WWC2: variants seen among roughly 807,000 people sequenced by gnomAD.
WWC2 encodes protein WWC2.
WWC2 carries 101 observed loss-of-function variants against 138.5 expected under a neutral mutation model. That is an observed-to-expected ratio of 0.73 (90% CI 0.62 to 0.86). The LOEUF is 0.86. Ranked by LOEUF, WWC2 falls within the 40% of genes least tolerant of loss-of-function variation. The pLI, the probability that WWC2 is intolerant of heterozygous loss-of-function variation, is 0.00. For missense variants in WWC2, 1,420 were observed against 1,419.4 expected (o/e 1.00, Z -0.01); for synonymous variants, 558 against 538.4 (o/e 1.04, Z -0.50).
intron 2 of WWC2, among the ~76,000 whole-genome samples, chr4:183,204,871 T>A (rs999605725): frequency 1.3e-5 from 2 of 152,202 alleles, no homozygotes; most frequent in South Asian, 2.1e-4. Context: ...CAGCATGTGG[T>A]CTTTTGTGTC....
rs961920347 is a variant in WWC2, at chr4:183,206,379, T to A, written c.242-1574T>A. On this transcript the variant is annotated intron_variant, in intron 2 of 22. Transcript: ENST00000403733. Reference sequence around the variant, plus strand: ...TTTTTGTCCCAAATTATCCCCTGTTTGTGTTTGCTGTTGTTGGGAGTGGGG... The same window carrying A: ...TTTTTGTCCCAAATTATCCCCTGTTAGTGTTTGCTGTTGTTGGGAGTGGGG... 5.9e-5 allele frequency among the ~76,000 whole-genome samples: 9 copies of A among 152,308 alleles called. No homozygotes were observed. In the East Asian group the frequency reaches 7.7e-4, roughly 13 times the overall value.
chr4:183,277,315 A>G (rs1342009039), intron 16 of WWC2, among the ~76,000 whole-genome samples: 1 of 151,354 alleles, frequency 6.6e-6, no homozygotes, highest in Non-Finnish European at 1.5e-5. Flanking sequence ...TGAACTCATC[A>G]TTTTTTATGG....
rs1580122794 is a variant in WWC2, at chr4:183,262,515, C to T, written c.1909+983C>T. Among the ~76,000 whole-genome samples the T allele has an allele frequency of 2.0e-5, 3 of 152,366 alleles. No homozygotes were observed. The East Asian group carries it at 5.8e-4, about 29-fold the overall frequency. ...CAGATATGTAAAGACATTGACAAAT[C>T]CACCTTGTTTCTACGGTTTCAAATA... is the stretch of plus-strand genomic sequence containing the variant. On this transcript the variant is annotated intron_variant, in intron 11 of 22. Transcript: ENST00000403733.
intron 1 of WWC2, among the ~76,000 whole-genome samples, chr4:183,127,209 A>G (rs369542235): frequency 1.3e-5 from 2 of 152,280 alleles, no homozygotes; most frequent in African/African-American, 4.8e-5. Context: ...ATTATTCCTT[A>G]AGGAAAGCAA....
chr4:183,285,861 C>A, intron 19 of WWC2, 106 bp from the exon 20 acceptor site: 1 of 1,035,180 alleles, frequency 9.7e-7, no homozygotes, highest in Non-Finnish European at 1.4e-6. Flanking sequence ...GAAATAAACT[C>A]TTAACTATGA....
At chr4:183,243,737 CTG>C (rs56654737) in intron 5 of WWC2, among the ~76,000 whole-genome samples, 21,310 of 129,246 alleles carry the variant, frequency 0.16, 1,377 homozygotes, top group Non-Finnish European at 0.18. Flanking sequence ...ATTCTAAACA[CTG>C]TGTGTGTGTG....
At chr4:183,176,743 T>C (rs980543476) in intron 1 of WWC2, among the ~76,000 whole-genome samples, 4 of 152,044 alleles carry the variant, frequency 2.6e-5, no homozygotes, top group African/African-American at 9.7e-5. Context: ...TATTTTTGTT[T>C]TTTTAAATTT....
rs142141722 is a variant in WWC2 at position 183,284,926 on chromosome 4, A to G, written c.3048+536A>G. On this transcript the variant is annotated intron_variant, in intron 19 of 22. Transcript: ENST00000403733. ...TTCTAGAAGTATTTCTGATTTATCT[A>G]GTAAGATAGACATAATATTATAAAC... 4.4e-3 allele frequency among the ~76,000 whole-genome samples: 677 copies of G among 152,352 alleles called. 5 individuals carry two copies. The highest frequency in any genetic ancestry group is 0.015 in the African/African-American group (624 of 41,572).
At chr4:183,118,941 C>G (rs1346601011) in intron 1 of WWC2, among the ~76,000 whole-genome samples, 2 of 150,524 alleles carry the variant, frequency 1.3e-5, no homozygotes, top group Non-Finnish European at 3.0e-5. Context: ...GTAATCCTGT[C>G]TCTCATCCTC....
In WWC2 at chr4:183,223,685, T is replaced by C. The variant is rs190700827; in HGVS notation, c.522+14660T>C. Among the ~76,000 whole-genome samples, 24 of 152,306 alleles carry C rather than the reference T, an allele frequency of 1.6e-4. No homozygotes were observed. In the East Asian group the frequency reaches 3.5e-3, roughly 22 times the overall value. ...GTCTATATATTGCAATTGGTAAATA[T>C]ATTTCTGAAGTCTAATTTTATTTTA... is the stretch of plus-strand genomic sequence containing the variant. On this transcript the variant is annotated intron_variant, in intron 4 of 22. Transcript: ENST00000403733.
chr4:183,191,860 G>A (rs543267794), intron 1 of WWC2, among the ~76,000 whole-genome samples: 4 of 152,010 alleles, frequency 2.6e-5, no homozygotes, highest in Non-Finnish European at 4.4e-5. Context: ...CCCAGAGTGC[G>A]GAGATTACAG....
chr4:183,225,608 G>C (rs1736046076), intron 4 of WWC2, among the ~76,000 whole-genome samples: 1 of 152,174 alleles, frequency 6.6e-6, no homozygotes, highest in Non-Finnish European at 1.5e-5. Context: ...AAGCCAACCT[G>C]CTGGTAAGAC....
rs758634072 is a variant in WWC2 at position 183,268,971 on chromosome 4, A to G, written c.2208A>G (p.Val736=). The G allele has an allele frequency of 3.9e-5, 62 of 1,608,758 alleles. 1 individual carries two copies. The highest frequency in any genetic ancestry group is 5.2e-5 in the Non-Finnish European group (61 of 1,178,200). Residue 736 remains valine (V), a splice_region_variant and synonymous_variant, in exon 15 of 23, where the codon GTA becomes GTG. Transcript: ENST00000403733. ...TCCATTTTATTCTTGTTCTTTGCAG[A>G]TATTTTAGGGTTGCCGTTCTTCCTT... ...HAFLIPHTSK[V]YFRVAVLPSS...
chr4:183,226,841 A>G (rs1460240553), intron 4 of WWC2, among the ~76,000 whole-genome samples: 3 of 152,094 alleles, frequency 2.0e-5, no homozygotes, highest in Non-Finnish European at 4.4e-5. Flanking sequence ...ATATAAATGA[A>G]GATAAATGCA....
Position 183,284,351 on chromosome 4 carries a change from G to T in WWC2, c.3009G>T (p.Gln1003His), listed in dbSNP as rs762285835. 1 of 1,613,748 alleles carries T rather than the reference G, an allele frequency of 6.2e-7. No individual in the cohort carries two copies. The highest frequency in any genetic ancestry group is 8.5e-7 in the Non-Finnish European group (1 of 1,179,872). Residue 1003 changes from glutamine (Q) to histidine (H), a missense_variant, in exon 19 of 23, where the codon CAG becomes CAT. Physicochemically the swap from Gln to His is conservative, Grantham distance 24. Coordinates refer to ENST00000403733, the MANE Select transcript of WWC2 (RefSeq NM_024949.6). ...FVRSSVIVRS[Q>H]TFSPGERNQY... ...GGAGCAGTGTGATAGTGCGCTCACAGACCTTTTCTCCAGGAGAGCGGAACC... is the reference window on the plus strand; with the variant it reads ...GGAGCAGTGTGATAGTGCGCTCACATACCTTTTCTCCAGGAGAGCGGAACC...
intron 2 of WWC2, among the ~76,000 whole-genome samples, chr4:183,207,463 A>G (rs1735476937): frequency 6.6e-6 from 1 of 152,206 alleles, no homozygotes; most frequent in African/African-American, 2.4e-5. Context: ...CGCTATAATG[A>G]TTACAAAATG....
At chr4:183,307,308 T>G (rs1439155488) in intron 21 of WWC2, among the ~76,000 whole-genome samples, 1 of 152,220 alleles carries the variant, frequency 6.6e-6, no homozygotes, top group Non-Finnish European at 1.5e-5. Context: ...TTAATCAAAA[T>G]TTGTAGGATT....
chr4:183,248,658 A>T, intron 6 of WWC2, 56 bp from the exon 7 acceptor site: 1 of 1,473,810 alleles, frequency 6.8e-7, no homozygotes, highest in Non-Finnish European at 9.1e-7. Flanking sequence ...CCTGGTAGGG[A>T]AGGTTTGCTG....
chr4:183,122,038 G>A (rs937833562), intron 1 of WWC2, among the ~76,000 whole-genome samples: 6 of 152,100 alleles, frequency 3.9e-5, no homozygotes, highest in Non-Finnish European at 4.4e-5. Context: ...GCCCGCTTCC[G>A]CCTCCCAAAG....
Sources: allele counts gnomAD v4.1 joint callset (sites outside exome capture counted in the v4.1 genomes callset), GRCh38; gene constraint gnomAD v4.1.1; transcripts MANE v1.5; gene names NCBI Gene and HGNC (gene_info 2026-07-23, HGNC 2026-07-21).